Variants in KCNN2 observed in about 807,000 individuals in gnomAD.
The protein encoded by KCNN2 is potassium calcium-activated channel subfamily N member 2, also known as small conductance calcium-activated potassium channel protein 2.
A neutral mutation model predicts 55.5 loss-of-function variants in KCNN2; 24 were observed. The observed-to-expected ratio is 0.43, with a 90% CI of 0.31 to 0.61. The LOEUF (loss-of-function observed/expected upper bound fraction) is 0.61, where lower values mean the gene tolerates loss of function less well. KCNN2 is among the 20% of genes least tolerant of loss of function. The pLI is 0.08. For missense variants in KCNN2, 754 were observed against 853.6 expected (o/e 0.88, Z 1.45); for synonymous variants, 431 against 336.1 (o/e 1.28, Z -3.09).
At chr5:114,131,146 T>A (rs1366607245) in intron 1 of KCNN2, among the ~76,000 whole-genome samples, 1 of 152,192 alleles carries the variant, frequency 6.6e-6, no homozygotes, top group African/African-American at 2.4e-5. Context: ...TATTTTAAGT[T>A]CTGGGGTACA....
intron 2 of KCNN2, among the ~76,000 whole-genome samples, chr5:114,402,043 A>T (rs1052942108): frequency 6.6e-6 from 1 of 152,214 alleles, no homozygotes; most frequent in Non-Finnish European, 1.5e-5. Context: ...GTGAGAGAAA[A>T]GTCAGAGATG....
chr5:114,310,559 A>G (rs914629076), intron 2 of KCNN2, among the ~76,000 whole-genome samples: 3 of 152,196 alleles, frequency 2.0e-5, no homozygotes, highest in Non-Finnish European at 4.4e-5. Context: ...CAGGATCCCC[A>G]CTGAAGTACT....
intron 1 of KCNN2, among the ~76,000 whole-genome samples, chr5:114,158,863 G>C (rs187434469): frequency 1.3e-5 from 2 of 152,328 alleles, no homozygotes; most frequent in African/African-American, 2.4e-5. Flanking sequence ...TATATCCTGA[G>C]ACTTTGCTGA....
chr5:114,446,714 G>T (rs1760423305), intron 3 of KCNN2, among the ~76,000 whole-genome samples: 3 of 152,114 alleles, frequency 2.0e-5, no homozygotes, highest in African/African-American at 7.2e-5. Flanking sequence ...AGCTGCCTCA[G>T]CCTCCCAAAT....
At chr5:114,142,432 C>G (rs1030473573) in intron 1 of KCNN2, among the ~76,000 whole-genome samples, 4 of 151,972 alleles carry the variant, frequency 2.6e-5, no homozygotes, top group African/African-American at 9.7e-5. Flanking sequence ...TCAAATTGTC[C>G]CTGTTTGCAG....
intron 3 of KCNN2, among the ~76,000 whole-genome samples, chr5:114,457,865 C>T (rs1761001545): frequency 1.3e-5 from 2 of 152,214 alleles, no homozygotes; most frequent in Non-Finnish European, 2.9e-5. Context: ...TTCCATCTCT[C>T]AAGAATCACT....
intron 1 of KCNN2, among the ~76,000 whole-genome samples, chr5:114,161,164 A>G (rs927793169): frequency 3.3e-5 from 5 of 152,156 alleles, no homozygotes; most frequent in African/African-American, 9.7e-5. Context: ...TTCCATGTTT[A>G]GCGCTTCCTT....
rs186073282 is a variant in KCNN2, at chr5:114,100,416, T to C, written c.-271+43916T>C. Among the ~76,000 whole-genome samples, 396 of 152,258 alleles carry C rather than the reference T, an allele frequency of 2.6e-3. 1 individual carries two copies. The highest frequency in any genetic ancestry group is 8.7e-3 in the African/African-American group (363 of 41,570). On this transcript the variant is annotated intron_variant, in intron 1 of 10. Transcript: ENST00000512097. Reference sequence around the variant, plus strand: ...AGTATTGCTGGGTATGGGTGTAGTATTGCTGGATTTTGAGTATTATAGGAT... The same window carrying C: ...AGTATTGCTGGGTATGGGTGTAGTACTGCTGGATTTTGAGTATTATAGGAT...
At chr5:114,430,850 G>C (rs1270409566) in intron 3 of KCNN2, among the ~76,000 whole-genome samples, 1 of 152,104 alleles carries the variant, frequency 6.6e-6, no homozygotes, top group African/African-American at 2.4e-5. Context: ...CTATTGATAT[G>C]ATTATGTAAT....
intron 1 of KCNN2, among the ~76,000 whole-genome samples, chr5:114,075,461 AT>A (rs1750666233): frequency 3.3e-5 from 5 of 152,198 alleles, no homozygotes; most frequent in Admixed American, 3.3e-4. Flanking sequence ...TCTCATTGAA[AT>A]TTTACTGTAA....
chr5:114,352,545 C>T lies in KCNN2; in HGVS notation c.-184-8400C>T, dbSNP rs559875699. 1.4e-4 allele frequency among the ~76,000 whole-genome samples: 15 copies of T among 104,954 alleles called. No individual in the cohort carries two copies. The East Asian group carries it at 8.2e-3, about 58-fold the overall frequency. 68.9% of individuals were successfully genotyped at this position (104,954 alleles called of 152,430 possible). ...TTGATTTGAAATATTTCATCTTTTT[C>T]CAATTTACATATTTATGGCTAAGAA... On this transcript the variant is annotated intron_variant, in intron 2 of 10. Transcript: ENST00000512097.
chr5:114,379,390 C>G (rs1215993324), intron 2 of KCNN2, among the ~76,000 whole-genome samples: 1 of 149,650 alleles, frequency 6.7e-6, no homozygotes, highest in Non-Finnish European at 1.5e-5. Context: ...CCTACAATCT[C>G]ATTTATGAAT....
intron 2 of KCNN2, among the ~76,000 whole-genome samples, chr5:114,283,422 C>A (rs1236167057): frequency 6.6e-6 from 1 of 151,898 alleles, no homozygotes; most frequent in Non-Finnish European, 1.5e-5. Flanking sequence ...TTACTTTTTC[C>A]ACATTTGCTA....
chr5:114,377,692 C>G (rs1757985783), intron 2 of KCNN2, among the ~76,000 whole-genome samples: 1 of 152,122 alleles, frequency 6.6e-6, no homozygotes, highest in African/African-American at 2.4e-5. Context: ...TGGATCCAGA[C>G]AGATTTGAGT....
At chr5:114,321,925 T>G (rs1385431859) in intron 2 of KCNN2, among the ~76,000 whole-genome samples, 1 of 152,126 alleles carries the variant, frequency 6.6e-6, no homozygotes, top group Non-Finnish European at 1.5e-5. Context: ...GCTGGGATTA[T>G]AAGTATGAGT....
At position 114,386,195 on chromosome 5, in the gene KCNN2, A is replaced by G. The variant is rs539810644; in HGVS notation, c.1219-18243A>G. On this transcript the variant is annotated intron_variant, in intron 2 of 7. Transcript: ENST00000673685. ...GAGACTCTGTCTAAAAAAAAAAAAA[A>G]AAAAAAAGTGAAGTATAGAGTGGTT... 1.3e-3 allele frequency among the ~76,000 whole-genome samples: 195 copies of G among 151,780 alleles called. 5 individuals carry two copies. The highest frequency in any genetic ancestry group is 0.01 in the Admixed American group (158 of 15,250).
chr5:114,490,303 A>C (rs542384634), intron 6 of KCNN2, among the ~76,000 whole-genome samples: 11 of 152,210 alleles, frequency 7.2e-5, no homozygotes, highest in South Asian at 2.1e-4. Flanking sequence ...GTACCCCCCC[A>C]AAAAAATTAC....
At chr5:114,226,764 G>A (rs995837848) in intron 2 of KCNN2, among the ~76,000 whole-genome samples, 1 of 151,952 alleles carries the variant, frequency 6.6e-6, no homozygotes, top group Non-Finnish European at 1.5e-5. Context: ...AACCGGGCAT[G>A]GTGGCGGGCA....
intron 3 of KCNN2, among the ~76,000 whole-genome samples, chr5:114,430,921 G>T (rs1467549240): frequency 6.6e-6 from 1 of 152,066 alleles, no homozygotes; most frequent in Admixed American, 6.5e-5. Flanking sequence ...TGTTGAACTA[G>T]CCTTGTATGC....
Sources: allele counts gnomAD v4.1 joint callset (sites outside exome capture counted in the v4.1 genomes callset), GRCh38; gene constraint gnomAD v4.1.1; transcripts MANE v1.5; gene names NCBI Gene and HGNC (gene_info 2026-07-23, HGNC 2026-07-21).